The following NCOR1 variants were observed in gnomAD, a reference collection of about 807,000 sequenced individuals.
NCOR1 encodes nuclear receptor corepressor 1, also known as protein phosphatase 1, regulatory subunit 109.
A neutral mutation model predicts 288.1 loss-of-function variants in NCOR1; 63 were observed. That is an observed-to-expected ratio of 0.22 (90% CI 0.18 to 0.27). The LOEUF is 0.27. NCOR1 is among the 10% of genes least tolerant of loss of function. The pLI is 1.00. For synonymous variants in NCOR1, 1,007 were observed against 1,065.9 expected, an observed-to-expected ratio of 0.94 and a Z score of 1.08; for missense variants, 2,397 against 3,019.2, an observed-to-expected ratio of 0.79 and a Z score of 4.83.
intron 40 of NCOR1, among the ~76,000 whole-genome samples, chr17:16,051,226 C>T (rs974092980): frequency 6.6e-6 from 1 of 152,168 alleles, no homozygotes; most frequent in Non-Finnish European, 1.5e-5. Context: ...AATTAGCACA[C>T]ATACCCTTAC....
intron 6 of NCOR1, among the ~76,000 whole-genome samples, chr17:16,156,965 C>T (rs2079912413): frequency 6.6e-6 from 1 of 151,700 alleles, no homozygotes; most frequent in Non-Finnish European, 1.5e-5. Flanking sequence ...ATAATTCATA[C>T]TAAAAAAGAA....
In NCOR1 at chr17:16,073,531, T is replaced by C; in HGVS notation, c.3709A>G (p.Thr1237Ala). The C allele has an allele frequency of 1.2e-6, 2 of 1,611,558 alleles. No homozygotes were observed. Among genetic ancestry groups the C allele is most frequent in the Non-Finnish European group, 1.7e-6 (2 of 1,178,844 alleles). ...CTCTTTAAACTGATTTCATGAGCTG[T>C]TCTTGGACTCCTAGTCCCTTCTCGG... ...NAREGTRSPR[T>A]AHEISLKRSY... The change falls in exon 28 of 46, where the codon ACA becomes GCA. Residue 1237 changes from threonine to alanine, a missense_variant. Physicochemically the swap from Thr to Ala is moderately conservative, Grantham distance 58. Coordinates refer to ENST00000268712, the MANE Select transcript of NCOR1 (RefSeq NM_006311.4).
chr17:16,063,169 ATTT>A (rs975572584), intron 35 of NCOR1, among the ~76,000 whole-genome samples: 1 of 152,000 alleles, frequency 6.6e-6, no homozygotes, highest in East Asian at 1.9e-4. Context: ...ATGAATATTT[ATTT>A]TTTTAATTAA....
intron 14 of NCOR1, among the ~76,000 whole-genome samples, chr17:16,132,707 G>A (rs1015581263): frequency 6.6e-6 from 1 of 151,494 alleles, no homozygotes; most frequent in Non-Finnish European, 1.5e-5. Context: ...CATTTTCAGA[G>A]TAAACACTAC....
At position 16,080,584 on chromosome 17, in the gene NCOR1, T is replaced by C. The variant is rs139446647; in HGVS notation, c.3298+23A>G. The C allele has an allele frequency of 8.7e-3, 14,084 of 1,614,078 alleles. 86 individuals are homozygous for C. The highest frequency in any genetic ancestry group is 0.028 in the Middle Eastern group (171 of 6,062). On this transcript the variant is annotated intron_variant, in intron 24 of 45. Coordinates refer to ENST00000268712, the MANE Select transcript of NCOR1 (RefSeq NM_006311.4). ...TGTGATGCTACAAACGTAGATGCATTATGACTGTATTAACTCACTGACCTG... is the reference window on the plus strand; with the variant it reads ...TGTGATGCTACAAACGTAGATGCATCATGACTGTATTAACTCACTGACCTG...
intron 10 of NCOR1, among the ~76,000 whole-genome samples, chr17:16,145,686 C>A (rs1001425512): frequency 1.3e-5 from 2 of 151,854 alleles, no homozygotes; most frequent in African/African-American, 2.4e-5. Context: ...GGGCAGCCCC[C>A]GCCCAGCCAG....
rs1222876870 is a variant in NCOR1, at chr17:16,169,174, G to A, written c.435+2629C>T. On this transcript the variant is annotated intron_variant, in intron 4 of 45. Transcript: ENST00000268712. ...TATTTAAGCAAAAGTAAGTTAAACA[G>A]AATGTACAAAGGGGGCACATTAAAA... 3.9e-5 allele frequency among the ~76,000 whole-genome samples: 6 copies of A among 152,176 alleles called. No individual in the cohort carries two copies. The East Asian group carries it at 9.6e-4, about 24-fold the overall frequency.
intron 15 of NCOR1, among the ~76,000 whole-genome samples, chr17:16,123,014 G>A (rs1030008610): frequency 2.6e-5 from 4 of 152,030 alleles, no homozygotes; most frequent in Non-Finnish European, 4.4e-5. Context: ...AAGTTCTACC[G>A]GGAGGACTCC....
chr17:16,066,818 A>G (rs373498226), intron 32 of NCOR1, among the ~76,000 whole-genome samples: 45 of 152,246 alleles, frequency 3.0e-4, no homozygotes, highest in African/African-American at 1.1e-3. Context: ...TATGAAATGT[A>G]AATAACCCTT....
At chr17:16,138,554 C>G (rs1415992543) in intron 12 of NCOR1, among the ~76,000 whole-genome samples, 1 of 152,200 alleles carries the variant, frequency 6.6e-6, no homozygotes, top group African/African-American at 2.4e-5. Context: ...CACTGGACTC[C>G]AGCTTAAGCG....
chr17:16,114,566 G>A (rs909984742), intron 18 of NCOR1, among the ~76,000 whole-genome samples: 8 of 152,194 alleles, frequency 5.3e-5, no homozygotes, highest in Non-Finnish European at 1.2e-4. Context: ...TACAATGGGG[G>A]CACAGGTATT....
At chr17:16,127,401 A>ATATGTGTATGTATATATACATGTG (rs2074582790) in intron 14 of NCOR1, among the ~76,000 whole-genome samples, 1 of 105,734 alleles carries the variant, frequency 9.5e-6, no homozygotes, top group Non-Finnish European at 1.8e-5. Context: ...ATACATGTGT[A>ATATGTGTATGTATATATACATGTG]TATGTGTATG....
Position 16,030,996 on chromosome 17 carries a change from A to G in NCOR1, c.*1300T>C. ...TCCCAAAACTGTTAGTATCTATGTTATAGAAAGATACTTAAATGCTATGAT... is the reference window on the plus strand; with the variant it reads ...TCCCAAAACTGTTAGTATCTATGTTGTAGAAAGATACTTAAATGCTATGAT... On this transcript the variant is annotated 3_prime_UTR_variant, in exon 46 of 46. Coordinates refer to ENST00000268712, the MANE Select transcript of NCOR1 (RefSeq NM_006311.4). 5.1e-6 allele frequency: 1 copy of G among 196,772 alleles called. No individual in the cohort carries two copies. 12.2% of individuals were successfully genotyped at this position (196,772 alleles called of 1,614,324 possible).
At chr17:16,123,057 A>G (rs180889228) in intron 15 of NCOR1, among the ~76,000 whole-genome samples, 13 of 152,284 alleles carry the variant, frequency 8.5e-5, no homozygotes, top group African/African-American at 3.1e-4. Context: ...CCCCAACTCC[A>G]AAGACTCAGG....
chr17:16,145,916 G>T (rs2077918397), intron 10 of NCOR1, among the ~76,000 whole-genome samples: 1 of 152,188 alleles, frequency 6.6e-6, no homozygotes. Flanking sequence ...TGTGGAGGGA[G>T]GTGGACATGG....
chr17:16,085,039 A>C (rs1481888243), intron 23 of NCOR1, among the ~76,000 whole-genome samples: 4 of 152,246 alleles, frequency 2.6e-5, no homozygotes, highest in African/African-American at 9.6e-5. Context: ...TATTTGTAAT[A>C]CATATATCTA....
chr17:16,208,851 A>G (rs1030166732), intron 1 of NCOR1, among the ~76,000 whole-genome samples: 1 of 152,216 alleles, frequency 6.6e-6, no homozygotes, highest in African/African-American at 2.4e-5. Context: ...AAGAAAAAAA[A>G]AAGAAATATT....
At chr17:16,056,925 T>G (rs2060001963) in intron 40 of NCOR1, 1 of 151,778 alleles carries the variant, frequency 6.6e-6, no homozygotes, top group Non-Finnish European at 1.5e-5. Context: ...TATATAAAAT[T>G]ATTCACTGAC....
chr17:16,092,952 C>A (rs1465185531), intron 21 of NCOR1, among the ~76,000 whole-genome samples: 3 of 151,596 alleles, frequency 2.0e-5, no homozygotes, highest in African/African-American at 7.3e-5. Context: ...GATCCACTCA[C>A]CTCAGCCTCC....
Sources: gnomAD v4.1 joint callset for allele counts (sites outside exome capture counted in the v4.1 genomes callset) on GRCh38, gnomAD v4.1.1 for gene constraint, MANE v1.5 for transcripts, NCBI Gene and HGNC (gene_info 2026-07-23, HGNC 2026-07-21) for gene names.